Variants in KLHL6 observed in about 807,000 individuals in gnomAD.
KLHL6 encodes kelch like family member 6.
Under a neutral mutation model 58.6 loss-of-function variants are expected in KLHL6, and 41 were observed. That is an observed-to-expected ratio of 0.70 (90% CI 0.55 to 0.91). The LOEUF (loss-of-function observed/expected upper bound fraction) is 0.91, where lower values mean the gene tolerates loss of function less well. KLHL6 is among the 40% of genes least tolerant of loss of function. The pLI is 0.00. For missense variants in KLHL6, 714 were observed against 805.6 expected (o/e 0.89, Z 1.38); for synonymous variants, 338 against 322.7 (o/e 1.05, Z -0.51).
At chr3:183,536,654 G>A (rs183165498) in intron 1 of KLHL6, among the ~76,000 whole-genome samples, 179 of 152,338 alleles carry the variant, frequency 1.2e-3, no homozygotes, top group African/African-American at 3.8e-3. Flanking sequence ...ACACCAAGGC[G>A]TTAGCACGAT....
At chr3:183,526,000 T>C (rs1711951989) in intron 2 of KLHL6, among the ~76,000 whole-genome samples, 1 of 152,204 alleles carries the variant, frequency 6.6e-6, no homozygotes, top group South Asian at 2.1e-4. Flanking sequence ...GTATGTTTTA[T>C]CCATTCAAAA....
At chr3:183,537,578 A>G (rs1712407314) in intron 1 of KLHL6, among the ~76,000 whole-genome samples, 1 of 152,024 alleles carries the variant, frequency 6.6e-6, no homozygotes. Context: ...GTCAGTGCCC[A>G]CCCCAAAATA....
intron 2 of KLHL6, among the ~76,000 whole-genome samples, chr3:183,512,019 C>T (rs942242987): frequency 6.6e-6 from 1 of 152,196 alleles, no homozygotes; most frequent in African/African-American, 2.4e-5. Context: ...GCATGAGCAA[C>T]CGTGGAAACA....
chr3:183,516,479 C>G (rs749925457), intron 2 of KLHL6, among the ~76,000 whole-genome samples: 1 of 152,204 alleles, frequency 6.6e-6, no homozygotes, highest in Non-Finnish European at 1.5e-5. Context: ...CAAAAGGTTG[C>G]AGCCAGCCAC....
chr3:183,507,492 C>T (rs1388060593), intron 3 of KLHL6, among the ~76,000 whole-genome samples: 3 of 152,022 alleles, frequency 2.0e-5, no homozygotes, highest in Non-Finnish European at 2.9e-5. Flanking sequence ...AGTGCAGTGG[C>T]GTGATCTCGG....
At chr3:183,515,062 G>T (rs1186891201) in intron 2 of KLHL6, among the ~76,000 whole-genome samples, 1 of 152,144 alleles carries the variant, frequency 6.6e-6, no homozygotes, top group African/African-American at 2.4e-5. Flanking sequence ...GTGAACATTT[G>T]CACATGTGGC....
Position 183,488,802 on chromosome 3 carries a change from G to A in KLHL6, c.*3125C>T, listed in dbSNP as rs1717466970. The A allele has an allele frequency of 6.6e-6, 1 of 152,152 alleles. No homozygotes were observed. The highest frequency in any genetic ancestry group is 2.1e-4 in the South Asian group (1 of 4,830). The allele number at this position is 152,152 out of a possible 1,614,324, so 9.4% of individuals were successfully genotyped here. ...TTCTTAAGTTTCCCCCAAATGACTT[G>A]AACTTTCTTTCTCGAAGAGCTACAG... is the stretch of plus-strand genomic sequence containing the variant. On this transcript the variant is annotated 3_prime_UTR_variant, in exon 7 of 7. Transcript: ENST00000341319.
At chr3:183,512,359 C>A (rs1560098130) in intron 2 of KLHL6, among the ~76,000 whole-genome samples, 1 of 152,082 alleles carries the variant, frequency 6.6e-6, no homozygotes, top group Non-Finnish European at 1.5e-5. Context: ...GATAATGAAA[C>A]AATTATTATT....
chr3:183,555,333 A>G (rs375181867), intron 1 of KLHL6, 28 bp downstream of exon 1: 58 of 1,605,292 alleles, frequency 3.6e-5, no homozygotes, highest in Middle Eastern at 1.7e-4. Context: ...CTTGCACCCA[A>G]TTTGACTCTG....
At chr3:183,544,163 C>CAAAAAAAAAAAAAAAAA (rs56357226) in intron 1 of KLHL6, among the ~76,000 whole-genome samples, 1 of 57,008 alleles carries the variant, frequency 1.8e-5, no homozygotes, top group African/African-American at 6.0e-5. Context: ...AACTCAGTCT[C>CAAAAAAAAAAAAAAAAA]AAAAAAAAAA....
At chr3:183,510,265 T>C (rs972278222) in intron 2 of KLHL6, among the ~76,000 whole-genome samples, 1 of 24,798 alleles carries the variant, frequency 4.0e-5, no homozygotes, top group South Asian at 1.2e-3. Flanking sequence ...GATCGATTAA[T>C]GGGGGGAGAG....
intron 1 of KLHL6, among the ~76,000 whole-genome samples, chr3:183,543,902 G>T (rs1712631860): frequency 6.6e-6 from 1 of 152,144 alleles, no homozygotes; most frequent in African/African-American, 2.4e-5. Context: ...GGTGGCTCAC[G>T]CCTGTAATCC....
chr3:183,555,303 A>G, intron 1 of KLHL6, 58 bp downstream of exon 1: 2 of 1,482,810 alleles, frequency 1.3e-6, no homozygotes, highest in Non-Finnish European at 1.9e-6. Flanking sequence ...CTCTCACACT[A>G]ACACACCTCT....
At chr3:183,554,711 C>T (rs956797899) in intron 1 of KLHL6, among the ~76,000 whole-genome samples, 1 of 152,196 alleles carries the variant, frequency 6.6e-6, no homozygotes, top group Non-Finnish European at 1.5e-5. Context: ...CATTATGTTT[C>T]CAACACCAGT....
rs997610935 is a variant in KLHL6, at chr3:183,515,531, G to A, written c.460-7023C>T. 3.3e-5 allele frequency among the ~76,000 whole-genome samples: 5 copies of A among 152,254 alleles called. No homozygotes were observed. In the East Asian group the frequency reaches 9.6e-4, roughly 29 times the overall value. On this transcript the variant is annotated intron_variant, in intron 2 of 6. Transcript: ENST00000341319. ...CCACTGTACTCTAGCCTGGGTGACGGAGCAAGACTCTGTCTCTAAAAAACT... is the reference window on the plus strand; with the variant it reads ...CCACTGTACTCTAGCCTGGGTGACGAAGCAAGACTCTGTCTCTAAAAAACT...
chr3:183,511,129 A>C (rs1718173179), intron 2 of KLHL6, among the ~76,000 whole-genome samples: 1 of 152,192 alleles, frequency 6.6e-6, no homozygotes, highest in Non-Finnish European at 1.5e-5. Flanking sequence ...TATCTCAATA[A>C]GAGGAATGCA....
chr3:183,551,402 G>C (rs1712911444), intron 1 of KLHL6, among the ~76,000 whole-genome samples: 1 of 152,130 alleles, frequency 6.6e-6, no homozygotes, highest in African/African-American at 2.4e-5. Context: ...CCATATGAAA[G>C]ATTTTTGTGA....
chr3:183,538,744 T>C (rs73884513), intron 1 of KLHL6, among the ~76,000 whole-genome samples: 13,476 of 152,156 alleles, frequency 0.089, 1,939 homozygotes, highest in African/African-American at 0.31. Context: ...TCCCCAGCAC[T>C]TCTTAGTTCA....
Position 183,542,059 on chromosome 3 carries a change from C to T in KLHL6, c.293+13302G>A, listed in dbSNP as rs935135540. 9.2e-5 allele frequency among the ~76,000 whole-genome samples: 14 copies of T among 152,200 alleles called. No individual in the cohort carries two copies. In the South Asian group the frequency reaches 1.0e-3, roughly 11 times the overall value. ...CCTCTCCCTCATGCTCTCTGTGGTC[C>T]GGCTGCCCTGCAGGCCCTCAGAGAG... is the stretch of plus-strand genomic sequence containing the variant. On this transcript the variant is annotated intron_variant, in intron 1 of 6. Transcript: ENST00000341319.
Sources: gnomAD v4.1 joint callset for allele counts (sites outside exome capture counted in the v4.1 genomes callset) on GRCh38, gnomAD v4.1.1 for gene constraint, MANE v1.5 for transcripts, NCBI Gene and HGNC (gene_info 2026-07-23, HGNC 2026-07-21) for gene names.